The following CNTN1 variants were observed in gnomAD, a reference collection of about 807,000 sequenced individuals.
The protein encoded by CNTN1 is contactin 1, also known as contactin-1.
CNTN1 carries 38 observed loss-of-function variants against 126.4 expected under a neutral mutation model. The ratio of observed to expected loss-of-function variants is 0.30; its 90% CI spans 0.23 to 0.39. The LOEUF (loss-of-function observed/expected upper bound fraction) is 0.39, where lower values mean the gene tolerates loss of function less well. Ranked by LOEUF, CNTN1 falls within the 10% of genes least tolerant of loss-of-function variation. The pLI is 1.00. For synonymous variants in CNTN1, 413 were observed against 422.6 expected (o/e 0.98, Z 0.28); for missense variants, 1,009 against 1,248.4 (o/e 0.81, Z 2.89).
intron 1 of CNTN1, among the ~76,000 whole-genome samples, chr12:40,756,551 T>G (rs1381140117): frequency 2.0e-5 from 3 of 152,108 alleles, no homozygotes; most frequent in Non-Finnish European, 2.9e-5. Context: ...AGTAGGTAAT[T>G]GCAACAAGAA....
At chr12:40,889,168 G>A (rs529430522) in intron 1 of CNTN1, among the ~76,000 whole-genome samples, 1 of 152,238 alleles carries the variant, frequency 6.6e-6, no homozygotes, top group Non-Finnish European at 1.5e-5. Flanking sequence ...GTGGGAGGGA[G>A]ATTCTTTAAT....
intron 1 of CNTN1, among the ~76,000 whole-genome samples, chr12:40,887,405 A>G (rs1565886822): frequency 1.3e-5 from 2 of 152,226 alleles, no homozygotes; most frequent in African/African-American, 2.4e-5. Context: ...CAAAAAACAC[A>G]TGAAAAAATG....
intron 6 of CNTN1, 30 bp downstream of exon 6, chr12:40,924,682 A>C: frequency 8.3e-7 from 1 of 1,197,880 alleles, no homozygotes; most frequent in Non-Finnish European, 1.2e-6. Flanking sequence ...GACTATTAGC[A>C]TCTATGAAAC....
intron 1 of CNTN1, among the ~76,000 whole-genome samples, chr12:40,892,193 C>G (rs960430851): frequency 6.6e-6 from 1 of 152,022 alleles, no homozygotes; most frequent in Non-Finnish European, 1.5e-5. Context: ...TATTGTGAGC[C>G]TGTCTGAAGG....
chr12:40,845,131 A>C (rs1471453079), intron 1 of CNTN1, among the ~76,000 whole-genome samples: 1 of 152,216 alleles, frequency 6.6e-6, no homozygotes, highest in African/African-American at 2.4e-5. Flanking sequence ...TAAAAGAGCT[A>C]GTTGTATGTC....
chr12:40,825,706 A>G (rs909136450), intron 1 of CNTN1, among the ~76,000 whole-genome samples: 11 of 152,088 alleles, frequency 7.2e-5, no homozygotes, highest in African/African-American at 1.9e-4. Flanking sequence ...TTTCCATTCA[A>G]TGCTTACTTG....
intron 3 of CNTN1, among the ~76,000 whole-genome samples, chr12:40,912,887 G>C (rs988934418): frequency 6.6e-6 from 1 of 152,168 alleles, no homozygotes; most frequent in Admixed American, 6.5e-5. Context: ...GAGTTAGACT[G>C]AAACAGGCCA....
In CNTN1 at chr12:40,877,924, T is replaced by A. The variant is rs528792713; in HGVS notation, c.-76-30433T>A. On this transcript the variant is annotated intron_variant, in intron 1 of 23. Transcript: ENST00000551295. ...TTTCCCCTCATCATCTGATGCCTAATATATTGAAGTCCCCATCCTGCTATC... is the reference window on the plus strand; with the variant it reads ...TTTCCCCTCATCATCTGATGCCTAAAATATTGAAGTCCCCATCCTGCTATC... 8.9e-4 allele frequency among the ~76,000 whole-genome samples: 135 copies of A among 151,688 alleles called. 1 individual carries two copies. The highest frequency in any genetic ancestry group is 1.4e-3 in the Non-Finnish European group (98 of 67,848).
At chr12:40,959,329 A>T in intron 15 of CNTN1, 95 bp downstream of exon 15, 1 of 1,320,214 alleles carries the variant, frequency 7.6e-7, no homozygotes, top group Non-Finnish European at 1.1e-6. Context: ...AAATTCTTAC[A>T]TATTTAGAGT....
At chr12:40,967,013 G>A (rs144248938) in intron 15 of CNTN1, among the ~76,000 whole-genome samples, 70 of 152,026 alleles carry the variant, frequency 4.6e-4, no homozygotes, top group African/African-American at 1.6e-3. Flanking sequence ...TTTTTTTGCT[G>A]CACATTTAGT....
At chr12:40,696,160 G>A (rs1391480512) in intron 1 of CNTN1, among the ~76,000 whole-genome samples, 1 of 152,192 alleles carries the variant, frequency 6.6e-6, no homozygotes, top group East Asian at 1.9e-4. Flanking sequence ...AATAATAGAA[G>A]TGCTATTGTA....
chr12:41,046,218 C>G (rs368486788), intron 23 of CNTN1, among the ~76,000 whole-genome samples: 31 of 152,072 alleles, frequency 2.0e-4, no homozygotes, highest in African/African-American at 6.5e-4. Flanking sequence ...TGATCACAAC[C>G]GAAACAGGAA....
intron 1 of CNTN1, among the ~76,000 whole-genome samples, chr12:40,733,214 G>C (rs762692529): frequency 6.6e-6 from 1 of 151,868 alleles, no homozygotes; most frequent in Non-Finnish European, 1.5e-5. Flanking sequence ...AAAATACAGT[G>C]CCCTTAAAAT....
intron 14 of CNTN1, among the ~76,000 whole-genome samples, chr12:40,953,181 A>G (rs1181306909): frequency 2.0e-5 from 3 of 152,124 alleles, no homozygotes. Context: ...TAAACTTGGG[A>G]AACTTCTAAG....
chr12:40,758,529 A>T (rs1938700399), intron 1 of CNTN1, among the ~76,000 whole-genome samples: 1 of 152,116 alleles, frequency 6.6e-6, no homozygotes, highest in Non-Finnish European at 1.5e-5. Context: ...TAGATTTTGA[A>T]ACATTTATGG....
At chr12:40,849,024 A>G (rs1173287977) in intron 1 of CNTN1, among the ~76,000 whole-genome samples, 2 of 152,168 alleles carry the variant, frequency 1.3e-5, no homozygotes, top group Non-Finnish European at 2.9e-5. Flanking sequence ...AGTTAAAAGG[A>G]TCAATAAATA....
At chr12:40,920,956 A>T (rs1241329811) in intron 4 of CNTN1, among the ~76,000 whole-genome samples, 9 of 152,206 alleles carry the variant, frequency 5.9e-5, no homozygotes. Context: ...TGGAACCAAT[A>T]TAATGAGGGA....
intron 1 of CNTN1, among the ~76,000 whole-genome samples, chr12:40,891,451 T>C (rs1944235372): frequency 6.6e-6 from 1 of 152,162 alleles, no homozygotes; most frequent in African/African-American, 2.4e-5. Flanking sequence ...CCTATTGCTA[T>C]ACCAAAGAAG....
At chr12:40,800,900 G>A (rs1209722549) in intron 1 of CNTN1, among the ~76,000 whole-genome samples, 1 of 151,936 alleles carries the variant, frequency 6.6e-6, no homozygotes, top group East Asian at 1.9e-4. Context: ...AATTCAAGTA[G>A]GTTAGGGCAT....
Sources: gnomAD v4.1 joint callset for allele counts (sites outside exome capture counted in the v4.1 genomes callset) on GRCh38, gnomAD v4.1.1 for gene constraint, MANE v1.5 for transcripts, NCBI Gene and HGNC (gene_info 2026-07-23, HGNC 2026-07-21) for gene names.